The following CDC14B variants were observed in gnomAD, a reference collection of about 807,000 sequenced individuals.
CDC14B encodes cell division cycle 14B.
A neutral mutation model predicts 64.2 loss-of-function variants in CDC14B; 22 were observed. That is an observed-to-expected ratio of 0.34 (90% CI 0.24 to 0.49). CDC14B has a LOEUF of 0.49. Ranked by LOEUF, CDC14B falls within the 20% of genes least tolerant of loss-of-function variation. The pLI, the probability that CDC14B is intolerant of heterozygous loss-of-function variation, is 0.99. For missense variants in CDC14B, 498 were observed against 629.9 expected (o/e 0.79, Z 2.24); for synonymous variants, 191 against 215.8 (o/e 0.89, Z 1.01).
intron 12 of CDC14B, chr9:96,514,396 C>T (rs1835327771): frequency 1.0e-6 from 1 of 984,000 alleles, no homozygotes. Context: ...AGAAAACACC[C>T]AAAAGGTTAA....
intron 13 of CDC14B, 69 bp downstream of exon 13, chr9:96,509,604 T>C (rs1834628976): frequency 2.2e-6 from 2 of 889,908 alleles, no homozygotes; most frequent in East Asian, 2.4e-5. Flanking sequence ...TCTCCAGAGG[T>C]AGGGTCCAAA....
intron 3 of CDC14B, among the ~76,000 whole-genome samples, chr9:96,563,082 C>T (rs1418060032): frequency 2.0e-5 from 3 of 152,120 alleles, no homozygotes; most frequent in Non-Finnish European, 4.4e-5. Context: ...GACCACCTTT[C>T]CTTCTGTTTG....
chr9:96,596,494 A>G (rs1189865542), intron 1 of CDC14B, among the ~76,000 whole-genome samples: 2 of 152,176 alleles, frequency 1.3e-5, no homozygotes, highest in African/African-American at 2.4e-5. Context: ...CAGATAAGAC[A>G]TAAGAAAAGA....
chr9:96,584,986 A>AT (rs1845377245), intron 1 of CDC14B, among the ~76,000 whole-genome samples: 1 of 152,216 alleles, frequency 6.6e-6, no homozygotes, highest in Admixed American at 6.5e-5. Context: ...TTTTGAATAC[A>AT]TAATTGCCTT....
intron 1 of CDC14B, among the ~76,000 whole-genome samples, chr9:96,604,125 C>T (rs939146697): frequency 1.3e-5 from 2 of 152,090 alleles, no homozygotes; most frequent in Non-Finnish European, 2.9e-5. Flanking sequence ...GCTACACTGG[C>T]AATGGCTCAG....
At chr9:96,505,546 C>T (rs960458402) in intron 13 of CDC14B, among the ~76,000 whole-genome samples, 1 of 152,212 alleles carries the variant, frequency 6.6e-6, no homozygotes, top group African/African-American at 2.4e-5. Flanking sequence ...CAAGACTGTT[C>T]TAAGAGAGCT....
intron 1 of CDC14B, among the ~76,000 whole-genome samples, chr9:96,601,972 T>C (rs1846506629): frequency 6.7e-6 from 1 of 149,924 alleles, no homozygotes; most frequent in Non-Finnish European, 1.5e-5. Flanking sequence ...GGCAGGAGAA[T>C]GGCGTGAACC....
At chr9:96,509,550 A>G in intron 13 of CDC14B, 123 bp downstream of exon 13, 1 of 728,692 alleles carries the variant, frequency 1.4e-6, no homozygotes, top group South Asian at 1.6e-5. Context: ...CATTTGATGA[A>G]TTTCCCATCA....
chr9:96,494,932 T>C (rs967799554), intron 13 of CDC14B, among the ~76,000 whole-genome samples: 1 of 151,380 alleles, frequency 6.6e-6, no homozygotes, highest in African/African-American at 2.4e-5. Flanking sequence ...TCTCCCGGGT[T>C]CATGCCATTC....
chr9:96,503,976 A>C (rs1833787239), intron 13 of CDC14B, among the ~76,000 whole-genome samples, 187 bp from the exon 14 acceptor site: 1 of 152,198 alleles, frequency 6.6e-6, no homozygotes, highest in Non-Finnish European at 1.5e-5. Context: ...AAAGACAAAC[A>C]GGAGAAAGGC....
intron 5 of CDC14B, among the ~76,000 whole-genome samples, chr9:96,551,268 A>C (rs1178871628): frequency 6.6e-6 from 1 of 151,772 alleles, no homozygotes; most frequent in Non-Finnish European, 1.5e-5. Context: ...AGGCATGTGC[A>C]ACCACGCCTG....
chr9:96,565,280 C>G, intron 2 of CDC14B, 113 bp downstream of exon 2: 1 of 624,970 alleles, frequency 1.6e-6, no homozygotes, highest in Non-Finnish European at 2.8e-6. Context: ...AAACAAGCAT[C>G]CTGTAATTAG....
chr9:96,537,758 T>A (rs1326523971), intron 7 of CDC14B, among the ~76,000 whole-genome samples: 1 of 152,232 alleles, frequency 6.6e-6, no homozygotes, highest in East Asian at 1.9e-4. Context: ...AATCTTGCTC[T>A]GTCACCCAGG....
At chr9:96,566,410 T>A (rs1452364774) in intron 1 of CDC14B, among the ~76,000 whole-genome samples, 1 of 152,132 alleles carries the variant, frequency 6.6e-6, no homozygotes, top group East Asian at 1.9e-4. Context: ...ACTGCGTTTA[T>A]TTCCTTGTAA....
At chr9:96,601,269 C>A (rs1465097551) in intron 1 of CDC14B, among the ~76,000 whole-genome samples, 1 of 152,110 alleles carries the variant, frequency 6.6e-6, no homozygotes, top group Non-Finnish European at 1.5e-5. Context: ...GAGGCCAAGG[C>A]AGGCGGATCA....
Position 96,515,086 on chromosome 9 carries a change from G to T in CDC14B, c.1344-5297C>A. 4.6e-6 allele frequency: 1 copy of T among 215,482 alleles called. No individual in the cohort carries two copies. Among genetic ancestry groups the T allele is most frequent in the Non-Finnish European group, 7.9e-6 (1 of 125,894 alleles). The allele number at this position is 215,482 out of a possible 1,614,324, so 13.3% of individuals were successfully genotyped here. A position where few individuals can be genotyped will look rare whatever the true frequency, so the allele number is the denominator to read the frequency against. ...TGTACTTACTGTATTCCCTAAAGGG[G>T]AGGAGGAAAATGAGACAGAGCAGGA... On this transcript the variant is annotated intron_variant, in intron 12 of 13. Transcript: ENST00000375241. The surrounding 1 kb of genome is among the most constrained non-coding windows in gnomAD (Gnocchi z 4.3).
At chr9:96,496,395 C>T (rs185178060), downstream of CDC14B, 4 of 461,542 alleles carry the variant, frequency 8.7e-6, no homozygotes, top group East Asian at 6.5e-5. Flanking sequence ...GCTGTACTTA[C>T]CACCACCACC....
intron 4 of CDC14B, chr9:96,562,469 T>G (rs1843340125): frequency 1.0e-5 from 5 of 484,088 alleles, no homozygotes; most frequent in Middle Eastern, 5.7e-4. Flanking sequence ...CCGAGCAGTT[T>G]TAGGTTCACA....
intron 1 of CDC14B, among the ~76,000 whole-genome samples, chr9:96,606,578 T>TGTGTGTGTG (rs1846954388): frequency 1.4e-5 from 2 of 142,688 alleles, no homozygotes; most frequent in Non-Finnish European, 3.0e-5. Context: ...TGTGTGTGTG[T>TGTGTGTGTG]TTCTGGAGAT....
Sources: gnomAD v4.1 joint callset for allele counts (sites outside exome capture counted in the v4.1 genomes callset) on GRCh38, gnomAD v4.1.1 for gene constraint, Gnocchi (gnomAD v3.1) non-coding constraint, MANE v1.5 for transcripts, NCBI Gene and HGNC (gene_info 2026-07-23, HGNC 2026-07-21) for gene names.